TECRL: variants seen among roughly 807,000 people sequenced by gnomAD.
The protein encoded by TECRL is trans-2,3-enoyl-CoA reductase-like.
Under a neutral mutation model 52.8 loss-of-function variants are expected in TECRL, and 63 were observed. That is an observed-to-expected ratio of 1.19 (90% CI 0.97 to 1.47). The LOEUF (loss-of-function observed/expected upper bound fraction) is 1.47. TECRL is among the 40% of genes most tolerant of loss of function. The pLI is 0.00. For synonymous variants in TECRL, 164 were observed against 141.9 expected, an observed-to-expected ratio of 1.16 and a Z score of -1.10; for missense variants, 482 against 429.6, an observed-to-expected ratio of 1.12 and a Z score of -1.08.
intron 2 of TECRL, among the ~76,000 whole-genome samples, chr4:64,337,861 G>A (rs563014637): frequency 6.6e-6 from 1 of 152,186 alleles, no homozygotes; most frequent in Admixed American, 6.5e-5. Flanking sequence ...ACTGCCCAAG[G>A]TCATTTATAG....
chr4:64,316,266 G>A (rs768236233), intron 4 of TECRL, among the ~76,000 whole-genome samples: 28 of 151,906 alleles, frequency 1.8e-4, no homozygotes, highest in Non-Finnish European at 3.1e-4. Flanking sequence ...AAGTTTCTTC[G>A]CATGAGAGGA....
intron 1 of TECRL, among the ~76,000 whole-genome samples, chr4:64,403,475 G>GCGCGCACACACACACACACACACA (rs59253067): frequency 2.0e-5 from 3 of 148,344 alleles, no homozygotes; most frequent in African/African-American, 7.5e-5. Flanking sequence ...CTCCCTGAGC[G>GCGCGCACACACACACACACACACA]CACACACACA....
chr4:64,314,363 C>G (rs536795669), intron 5 of TECRL, among the ~76,000 whole-genome samples: 118 of 151,976 alleles, frequency 7.8e-4, no homozygotes, highest in Non-Finnish European at 1.6e-3. Context: ...GACTACGTTT[C>G]TGAATTTCGC....
Position 64,277,930 on chromosome 4 carries a change from T to C in TECRL, c.*2142A>G, listed in dbSNP as rs1041507628. 9 of 151,674 alleles carry C rather than the reference T, an allele frequency of 5.9e-5. 1 individual carries two copies. Among genetic ancestry groups the C allele is most frequent in the Admixed American group, 5.9e-4 (9 of 15,218 alleles). The allele number at this position is 151,674 out of a possible 1,614,324, so 9.4% of individuals were successfully genotyped here. On this transcript the variant is annotated 3_prime_UTR_variant, in exon 12 of 12. Transcript: ENST00000381210. The stretch of plus-strand genomic sequence containing the variant: ...CATGCACATAGGCTTTCATAGAAGA[T>C]AGGTATTTAAAGATGTAAAAATAGA...
intron 2 of TECRL, among the ~76,000 whole-genome samples, chr4:64,332,297 AAATC>A (rs1176397090): frequency 6.6e-6 from 1 of 152,180 alleles, no homozygotes; most frequent in African/African-American, 2.4e-5. Context: ...GATGAATCAG[AAATC>A]AATCAATTCT....
chr4:64,301,448 C>G (rs1577831403), intron 7 of TECRL, among the ~76,000 whole-genome samples: 1 of 151,202 alleles, frequency 6.6e-6, no homozygotes, highest in East Asian at 1.9e-4. Flanking sequence ...ACTCATTCAA[C>G]TATAGTTATC....
intron 8 of TECRL, among the ~76,000 whole-genome samples, chr4:64,296,319 G>A (rs762535735): frequency 1.3e-5 from 2 of 151,614 alleles, no homozygotes; most frequent in Non-Finnish European, 3.0e-5. Flanking sequence ...CTGTACCCGA[G>A]GTTCTTTTCA....
chr4:64,281,695 T>C (rs556730603), intron 9 of TECRL, 136 bp from the exon 10 acceptor site: 12 of 530,754 alleles, frequency 2.3e-5, no homozygotes, highest in Non-Finnish European at 3.7e-5. Context: ...GTAACCTATT[T>C]TGCAAATTAC....
intron 7 of TECRL, 32 bp from the exon 8 acceptor site, chr4:64,300,049 A>G (rs1430369416): frequency 2.0e-6 from 3 of 1,523,204 alleles, no homozygotes; most frequent in East Asian, 2.4e-5. Flanking sequence ...TGTCATGCAG[A>G]TACTCATAGT....
chr4:64,279,944 T>G lies in TECRL; in HGVS notation c.*128A>C. 1 of 1,260,118 alleles carries G rather than the reference T, an allele frequency of 7.9e-7. No homozygotes were observed. The allele number at this position is 1,260,118 out of a possible 1,614,324, so 78.1% of individuals were successfully genotyped here. A position where few individuals can be genotyped will look rare whatever the true frequency, so the allele number is the denominator to read the frequency against. ...TAAATTTAGTGAAATTTTACTATTT[T>G]ATATTTTTACTCAGTGTATATACTG... On this transcript the variant is annotated 3_prime_UTR_variant, in exon 12 of 12. Transcript: ENST00000381210.
chr4:64,317,661 G>GT (rs547038279), intron 4 of TECRL, among the ~76,000 whole-genome samples: 9 of 151,992 alleles, frequency 5.9e-5, no homozygotes, highest in Non-Finnish European at 1.2e-4. Flanking sequence ...AAAGATTGTG[G>GT]TTTTTTTGTA....
chr4:64,387,609 C>T (rs1723267207), intron 1 of TECRL, among the ~76,000 whole-genome samples: 1 of 152,048 alleles, frequency 6.6e-6, no homozygotes, highest in Admixed American at 6.6e-5. Flanking sequence ...CTATAAGGTT[C>T]ACAGTAATAT....
At chr4:64,310,013 T>A (rs917413600) in intron 5 of TECRL, 82 bp from the exon 6 acceptor site, 7 of 759,844 alleles carry the variant, frequency 9.2e-6, no homozygotes, top group African/African-American at 1.8e-5. Flanking sequence ...TTAATTTTTT[T>A]AGTTTAATAT....
intron 4 of TECRL, among the ~76,000 whole-genome samples, chr4:64,321,967 A>T (rs1733392058): frequency 6.6e-6 from 1 of 152,194 alleles, no homozygotes; most frequent in Non-Finnish European, 1.5e-5. Context: ...AGGTAAAGAG[A>T]TACCATGTAA....
Position 64,305,355 on chromosome 4 carries a change from A to G in TECRL, c.658-117T>C, listed in dbSNP as rs530606920. 4.0e-6 allele frequency: 3 copies of G among 758,932 alleles called. No homozygotes were observed. The South Asian group carries it at 5.3e-5, about 13-fold the overall frequency. 47.0% of individuals were successfully genotyped at this position (758,932 alleles called of 1,614,324 possible). On this transcript the variant is annotated intron_variant, in intron 6 of 11. Transcript: ENST00000381210. Reference sequence around the variant, plus strand: ...ATTTGAAACCACCACATACATTTATATTAGACACTGCAGCATTTATATGTA... The same window carrying G: ...ATTTGAAACCACCACATACATTTATGTTAGACACTGCAGCATTTATATGTA...
chr4:64,349,251 A>C lies in TECRL; in HGVS notation c.287-20695T>G, dbSNP rs1262961999. ...GGGTTCAAGCAATTCTCCTGCCTCAACCTCCCGAGTAGCTGGCATTACAGG... is the reference window on the plus strand; with the variant it reads ...GGGTTCAAGCAATTCTCCTGCCTCACCCTCCCGAGTAGCTGGCATTACAGG... On this transcript the variant is annotated intron_variant, in intron 2 of 11. Transcript: ENST00000381210. Among the ~76,000 whole-genome samples the C allele has an allele frequency of 3.3e-5, 5 of 151,206 alleles. No homozygotes were observed. The East Asian group carries it at 9.7e-4, about 29-fold the overall frequency.
chr4:64,356,952 C>A (rs1720819663), intron 2 of TECRL, among the ~76,000 whole-genome samples: 1 of 152,100 alleles, frequency 6.6e-6, no homozygotes, highest in African/African-American at 2.4e-5. Flanking sequence ...CAGATTATCT[C>A]TATACTTTCT....
intron 9 of TECRL, among the ~76,000 whole-genome samples, chr4:64,281,829 T>G (rs2109925758): frequency 6.6e-6 from 1 of 152,002 alleles, no homozygotes; most frequent in South Asian, 2.1e-4. Flanking sequence ...AATCAATTCT[T>G]TAAGATCTTA....
At chr4:64,276,889 T>G, downstream of TECRL, 1 of 496,112 alleles carries the variant, frequency 2.0e-6, no homozygotes, top group Non-Finnish European at 3.6e-6. Context: ...GTGTACATAC[T>G]TATGTATAGT....
Sources: gnomAD v4.1 joint callset for allele counts (sites outside exome capture counted in the v4.1 genomes callset) on GRCh38, gnomAD v4.1.1 for gene constraint, MANE v1.5 for transcripts, NCBI Gene and HGNC (gene_info 2026-07-23, HGNC 2026-07-21) for gene names.